The following IRS1 variants were observed in gnomAD, a reference collection of about 807,000 sequenced individuals.
The protein encoded by IRS1 is insulin receptor substrate 1.
In IRS1, 34 loss-of-function variants were observed where a neutral mutation model predicts 65.6. The observed-to-expected ratio is 0.52, with a 90% confidence interval of 0.39 to 0.69. The LOEUF (loss-of-function observed/expected upper bound fraction) is 0.69, where lower values mean the gene tolerates loss of function less well. Ranked by LOEUF, IRS1 falls within the 30% of genes least tolerant of loss-of-function variation. IRS1 has a pLI of 0.00. For missense variants in IRS1, 1,641 were observed against 1,720.2 expected (o/e 0.95, Z 0.81); for synonymous variants, 699 against 683.5 (o/e 1.02, Z -0.35).
chr2:226,795,610 G>A lies in IRS1; in HGVS notation c.3129C>T (p.Ser1043=), dbSNP rs771700786. The A allele has an allele frequency of 5.0e-6, 8 of 1,612,454 alleles. No homozygotes were observed. The highest frequency in any genetic ancestry group is 2.2e-5 in the East Asian group (1 of 44,876). ...AASSSSAASA[S]PTGPQGAAEL... is the part of the protein sequence containing the mutation. ...CTGCTGCCCCTTGAGGCCCAGTCGG[G>A]GAAGCAGAGGCTGCTGAGGATGAGG... is the stretch of plus-strand genomic sequence containing the variant. Residue 1043 remains serine, a synonymous_variant, in exon 1 of 2, where the codon TCC becomes TCT. Transcript: ENST00000305123.
At chr2:226,747,171 T>A (rs1015396449) in intron 1 of IRS1, among the ~76,000 whole-genome samples, 4 of 152,098 alleles carry the variant, frequency 2.6e-5, no homozygotes, top group Non-Finnish European at 5.9e-5. Context: ...AAGCACCCCA[T>A]GGACAGTTGT....
intron 1 of IRS1, among the ~76,000 whole-genome samples, chr2:226,754,085 CTCAAGT>C (rs1938744250): frequency 6.6e-6 from 1 of 152,160 alleles, no homozygotes; most frequent in Non-Finnish European, 1.5e-5. Context: ...AACTCCTGGG[CTCAAGT>C]GATCCTCTTC....
intron 1 of IRS1, among the ~76,000 whole-genome samples, chr2:226,748,163 C>A (rs1019371154): frequency 6.6e-6 from 1 of 151,114 alleles, no homozygotes; most frequent in Admixed American, 6.6e-5. Flanking sequence ...CATGGTGGCT[C>A]ACACCTGTAA....
At position 226,797,687 on chromosome 2, in the gene IRS1, G is replaced by C. The variant is rs1400599826; in HGVS notation, c.1052C>G (p.Thr351Ser). ...SVDGSPVSPS[T>S]NRTHAHRHRG... ...ATGCCGGTGGGCGTGGGTTCTGTTG[G>C]TGCTGGGACTCACAGGGCTGCCGTC... Residue 351 changes from threonine (T) to serine (S), a missense_variant, in exon 1 of 2, where the codon ACC becomes AGC. Physicochemically the swap from Thr to Ser is moderately conservative, Grantham distance 58 (BLOSUM62 1). Coordinates refer to ENST00000305123, the MANE Select transcript of IRS1 (RefSeq NM_005544.3). This position sits in a 1 kb window ranked among gnomAD's most constrained non-coding sequence, Gnocchi z 8.1. The C allele has an allele frequency of 6.3e-7, 1 of 1,597,606 alleles. No homozygotes were observed. Among genetic ancestry groups the C allele is most frequent in the African/African-American group, 1.3e-5 (1 of 74,830 alleles).
chr2:226,752,043 G>A (rs1425774260), intron 1 of IRS1, among the ~76,000 whole-genome samples: 1 of 152,142 alleles, frequency 6.6e-6, no homozygotes, highest in Non-Finnish European at 1.5e-5. Flanking sequence ...CTTCAACTTT[G>A]AAATATCAAA....
chr2:226,749,718 C>T (rs1410008491), intron 1 of IRS1, among the ~76,000 whole-genome samples: 1 of 152,044 alleles, frequency 6.6e-6, no homozygotes, highest in Non-Finnish European at 1.5e-5. Flanking sequence ...CCATTTTTCC[C>T]ACCTGAGAGT....
intron 1 of IRS1, among the ~76,000 whole-genome samples, chr2:226,793,624 A>G (rs1401687797): frequency 6.6e-6 from 1 of 152,230 alleles, no homozygotes; most frequent in Non-Finnish European, 1.5e-5. Context: ...TGATAAATAA[A>G]TACCTGTCAA....
At chr2:226,753,557 C>T (rs1333430659) in intron 1 of IRS1, among the ~76,000 whole-genome samples, 1 of 152,112 alleles carries the variant, frequency 6.6e-6, no homozygotes, top group African/African-American at 2.4e-5. Context: ...AACTTTCTAC[C>T]TGATCCATTA....
intron 1 of IRS1, among the ~76,000 whole-genome samples, chr2:226,756,020 T>C (rs939245567): frequency 6.6e-6 from 1 of 152,232 alleles, no homozygotes; most frequent in Non-Finnish European, 1.5e-5. Context: ...ACAGACTTTA[T>C]GCACTCACTT....
intron 1 of IRS1, chr2:226,792,317 C>G (rs1209547616): frequency 6.6e-6 from 1 of 152,120 alleles, no homozygotes; most frequent in Non-Finnish European, 1.5e-5. Context: ...CTGAGAGGCT[C>G]TTTTTGCCCT....
At chr2:226,777,455 T>C (rs1939296442) in intron 1 of IRS1, among the ~76,000 whole-genome samples, 1 of 152,236 alleles carries the variant, frequency 6.6e-6, no homozygotes, top group African/African-American at 2.4e-5. Flanking sequence ...CCCCAAATTG[T>C]AAACTGTATT....
chr2:226,776,184 A>G (rs1939268714), intron 1 of IRS1, among the ~76,000 whole-genome samples: 1 of 152,232 alleles, frequency 6.6e-6, no homozygotes, highest in Non-Finnish European at 1.5e-5. Flanking sequence ...TGTCAAAGGG[A>G]CACAGGCGCC....
intron 1 of IRS1, among the ~76,000 whole-genome samples, chr2:226,762,145 T>C (rs1938927492): frequency 1.3e-5 from 2 of 152,190 alleles, no homozygotes; most frequent in African/African-American, 2.4e-5. Context: ...GTGAGTTTGG[T>C]TTGATTTATT....
chr2:226,763,962 G>A (rs547819765), intron 1 of IRS1, among the ~76,000 whole-genome samples: 6 of 151,950 alleles, frequency 3.9e-5, no homozygotes, highest in Non-Finnish European at 8.8e-5. Flanking sequence ...AAACTCATTT[G>A]TATGACCGTT....
chr2:226,738,235 G>A (rs1223937295), intron 1 of IRS1, among the ~76,000 whole-genome samples: 1 of 152,186 alleles, frequency 6.6e-6, no homozygotes, highest in Non-Finnish European at 1.5e-5. Context: ...ATATTAGGGT[G>A]GAGCAAAAGC....
chr2:226,740,861 T>C (rs1361764605), intron 1 of IRS1, among the ~76,000 whole-genome samples: 3 of 152,204 alleles, frequency 2.0e-5, no homozygotes, highest in Non-Finnish European at 2.9e-5. Context: ...GATGACCTTT[T>C]TTCAATAGAG....
chr2:226,799,718 G>C lies in IRS1; in HGVS notation c.-980C>G. 1 of 999,804 alleles carries C rather than the reference G, an allele frequency of 1.0e-6. No individual in the cohort carries two copies. Among genetic ancestry groups the C allele is most frequent in the Non-Finnish European group, 1.2e-6 (1 of 830,130 alleles). The allele number at this position is 999,804 out of a possible 1,614,324, so 61.9% of individuals were successfully genotyped here. Reference sequence around the variant, plus strand: ...AGAGCCCCAACCAAAACAAGCGGCGGCGTCTGGCTCTGCGCGCCGGCCCCC... The same window carrying C: ...AGAGCCCCAACCAAAACAAGCGGCGCCGTCTGGCTCTGCGCGCCGGCCCCC... On this transcript the variant is annotated 5_prime_UTR_variant, in exon 1 of 2. Coordinates refer to ENST00000305123, the MANE Select transcript of IRS1 (RefSeq NM_005544.3). This position sits in a 1 kb window ranked among gnomAD's most constrained non-coding sequence, Gnocchi z 6.1.
rs1414860546 is a variant in IRS1 at position 226,795,243 on chromosome 2, G to A, written c.3496C>T (p.Leu1166=). Residue 1166 remains leucine (L), a synonymous_variant, in exon 1 of 2, where the codon CTG becomes TTG. Coordinates refer to ENST00000305123, the MANE Select transcript of IRS1 (RefSeq NM_005544.3). ...LGGAPKEPAK[L]CGAAGGLENG... The stretch of plus-strand genomic sequence containing the variant: ...TCCAAACCCCCAGCAGCCCCACACA[G>A]TTTGGCTGGCTCCTTGGGGGCTCCC... 1 of 1,613,966 alleles carries A rather than the reference G, an allele frequency of 6.2e-7. No individual in the cohort carries two copies. The highest frequency in any genetic ancestry group is 8.5e-7 in the Non-Finnish European group (1 of 1,180,022).
In IRS1 at chr2:226,731,876, T is replaced by A. The variant is rs923749942; in HGVS notation, c.*4396A>T. 9 of 152,156 alleles carry A rather than the reference T, an allele frequency of 5.9e-5. No individual in the cohort carries two copies. The highest frequency in any genetic ancestry group is 2.2e-4 in the African/African-American group (9 of 41,552). 9.4% of individuals were successfully genotyped at this position (152,156 alleles called of 1,614,324 possible). ...AACCCTACAAATGTCTATGCAAATA[T>A]GGACAAGTTTTCCTGTTTACTGAAT... On this transcript the variant is annotated 3_prime_UTR_variant, in exon 2 of 2. Transcript: ENST00000305123.
Sources: allele counts gnomAD v4.1 joint callset (sites outside exome capture counted in the v4.1 genomes callset), GRCh38; gene constraint gnomAD v4.1.1; non-coding constraint Gnocchi (gnomAD v3.1); transcripts MANE v1.5; gene names NCBI Gene and HGNC (gene_info 2026-07-23, HGNC 2026-07-21).